The following TMEM117 variants were observed in gnomAD, a reference collection of about 807,000 sequenced individuals.
TMEM117 encodes transmembrane protein 117.
TMEM117 carries 27 observed loss-of-function variants against 52.4 expected under a neutral mutation model. That is an observed-to-expected ratio of 0.51 (90% CI 0.38 to 0.71). The LOEUF is 0.71. Among genes scored for constraint, TMEM117 ranks in the 30% least tolerant of loss-of-function variants. The pLI is 0.00. For missense variants in TMEM117, 556 were observed against 630.5 expected (o/e 0.88, Z 1.26); for synonymous variants, 215 against 206.3 (o/e 1.04, Z -0.36).
At chr12:44,105,591 G>T (rs532149969) in intron 3 of TMEM117, among the ~76,000 whole-genome samples, 1 of 152,116 alleles carries the variant, frequency 6.6e-6, no homozygotes, top group Admixed American at 6.6e-5. Context: ...TAAGGTGTGG[G>T]AAGAGGGGAA....
intron 6 of TMEM117, among the ~76,000 whole-genome samples, chr12:44,347,625 G>C (rs879674670): frequency 6.6e-6 from 1 of 151,964 alleles, no homozygotes; most frequent in Non-Finnish European, 1.5e-5. Context: ...ATTTAAGATG[G>C]TAACAATCTT....
At chr12:44,206,996 G>A (rs1949576897) in intron 4 of TMEM117, among the ~76,000 whole-genome samples, 1 of 152,136 alleles carries the variant, frequency 6.6e-6, no homozygotes, top group African/African-American at 2.4e-5. Flanking sequence ...AAGGTATGAT[G>A]GACAATTAAA....
chr12:43,933,755 G>T (rs1944908861), intron 2 of TMEM117, among the ~76,000 whole-genome samples: 1 of 151,856 alleles, frequency 6.6e-6, no homozygotes, highest in African/African-American at 2.4e-5. Context: ...TAGAGACGGG[G>T]TTTCACTGTG....
chr12:43,837,234 G>A (rs1943046969), intron 1 of TMEM117, among the ~76,000 whole-genome samples: 1 of 152,082 alleles, frequency 6.6e-6, no homozygotes, highest in South Asian at 2.1e-4. Context: ...GTTTCTTTAA[G>A]CTGTCATTAA....
chr12:44,371,024 C>G (rs1165438843), intron 6 of TMEM117, among the ~76,000 whole-genome samples: 2 of 152,108 alleles, frequency 1.3e-5, no homozygotes, highest in Non-Finnish European at 2.9e-5. Flanking sequence ...CCAAGTGATA[C>G]TAGGACAACT....
Position 44,266,798 on chromosome 12 carries a change from G to A in TMEM117, c.609-32782G>A, listed in dbSNP as rs187417092. Among the ~76,000 whole-genome samples the A allele has an allele frequency of 2.1e-3, 325 of 152,170 alleles. 2 individuals carry two copies. The highest frequency in any genetic ancestry group is 7.1e-3 in the African/African-American group (296 of 41,540). ...ATTTTGAGTTATTATATATGGTATA[G>A]GATAGTATCTAACTTCATTATTTTG... On this transcript the variant is annotated intron_variant, in intron 5 of 7. Coordinates refer to ENST00000266534, the MANE Select transcript of TMEM117 (RefSeq NM_032256.3).
intron 3 of TMEM117, among the ~76,000 whole-genome samples, chr12:44,098,886 T>C (rs746878447): frequency 2.0e-5 from 3 of 152,094 alleles, no homozygotes; most frequent in Non-Finnish European, 2.9e-5. Flanking sequence ...CTTGTTTCCT[T>C]ATAGTGGTTC....
At chr12:44,152,506 T>C (rs1565850720) in intron 4 of TMEM117, among the ~76,000 whole-genome samples, 1 of 115,132 alleles carries the variant, frequency 8.7e-6, no homozygotes, top group Non-Finnish European at 1.6e-5. Flanking sequence ...TATAATTATA[T>C]CATATATAAA....
intron 3 of TMEM117, among the ~76,000 whole-genome samples, chr12:43,946,404 T>TTTTTTTTG: frequency 6.9e-6 from 1 of 145,820 alleles, no homozygotes; most frequent in South Asian, 2.2e-4. Context: ...TGTTTGTTTT[T>TTTTTTTTG]TTATCTAGAG....
At chr12:44,298,071 T>C (rs911145134) in intron 5 of TMEM117, among the ~76,000 whole-genome samples, 1 of 143,732 alleles carries the variant, frequency 7.0e-6, no homozygotes, top group African/African-American at 3.0e-5. Context: ...AAATAATGTA[T>C]CTTTCCATTC....
intron 6 of TMEM117, among the ~76,000 whole-genome samples, chr12:44,366,873 C>T (rs1951796826): frequency 1.3e-5 from 2 of 152,024 alleles, no homozygotes; most frequent in South Asian, 4.1e-4. Context: ...GAAGAACAGC[C>T]ATCTTGACTT....
At chr12:44,081,922 T>C (rs183028156) in intron 3 of TMEM117, among the ~76,000 whole-genome samples, 354 of 152,180 alleles carry the variant, frequency 2.3e-3, no homozygotes, top group Non-Finnish European at 3.9e-3. Context: ...AGTTTAACTG[T>C]ATAAATCTTA....
At chr12:43,847,522 T>C (rs1367259789) in intron 2 of TMEM117, among the ~76,000 whole-genome samples, 1 of 151,844 alleles carries the variant, frequency 6.6e-6, no homozygotes, top group Non-Finnish European at 1.5e-5. Context: ...CCCTAGGGAG[T>C]TGGGAAGTGA....
At chr12:44,278,798 C>T (rs1271174354) in intron 5 of TMEM117, among the ~76,000 whole-genome samples, 1 of 152,162 alleles carries the variant, frequency 6.6e-6, no homozygotes, top group Non-Finnish European at 1.5e-5. Flanking sequence ...TCCATATCCC[C>T]TATCCTTTTT....
intron 3 of TMEM117, among the ~76,000 whole-genome samples, chr12:43,956,252 T>G (rs933345765): frequency 6.6e-6 from 1 of 152,000 alleles, no homozygotes; most frequent in African/African-American, 2.4e-5. Flanking sequence ...TATGATGAAA[T>G]TGCCGAAAGC....
chr12:43,964,706 G>C (rs890848856), intron 3 of TMEM117, among the ~76,000 whole-genome samples: 2 of 152,304 alleles, frequency 1.3e-5, no homozygotes, highest in South Asian at 4.1e-4. Context: ...GGATTAGTTA[G>C]ACATTGGACT....
chr12:44,185,061 G>A lies in TMEM117; in HGVS notation c.511-26229G>A, dbSNP rs560456283. 1.7e-4 allele frequency among the ~76,000 whole-genome samples: 26 copies of A among 152,210 alleles called. 1 individual carries two copies. The South Asian group carries it at 5.2e-3, about 30-fold the overall frequency. On this transcript the variant is annotated intron_variant, in intron 4 of 7. Transcript: ENST00000266534. ...CCTCAATAGGGTTGAGTGTAATTTA[G>A]GTGCTCTTACTCTGCACTGCAATAG...
At chr12:44,187,707 T>G (rs964266206) in intron 4 of TMEM117, among the ~76,000 whole-genome samples, 1 of 152,168 alleles carries the variant, frequency 6.6e-6, no homozygotes, top group Non-Finnish European at 1.5e-5. Context: ...AATGTTTCAG[T>G]CATCTCCTGA....
intron 5 of TMEM117, among the ~76,000 whole-genome samples, chr12:44,241,662 T>C (rs1950063951): frequency 6.6e-6 from 1 of 151,922 alleles, no homozygotes; most frequent in Non-Finnish European, 1.5e-5. Context: ...AGGCCTCTGA[T>C]CCATCTGGAA....
Sources: gnomAD v4.1 joint callset for allele counts (sites outside exome capture counted in the v4.1 genomes callset) on GRCh38, gnomAD v4.1.1 for gene constraint, MANE v1.5 for transcripts, NCBI Gene and HGNC (gene_info 2026-07-23, HGNC 2026-07-21) for gene names.